AP3B1: variants seen among roughly 807,000 people sequenced by gnomAD.
AP3B1 encodes the protein AP-3 complex subunit beta-1.
AP3B1 carries 61 observed loss-of-function variants against 132.5 expected under a neutral mutation model. The ratio of observed to expected loss-of-function variants is 0.46; its 90% CI spans 0.37 to 0.57. The LOEUF (loss-of-function observed/expected upper bound fraction) is 0.57. Ranked by LOEUF, AP3B1 falls within the 20% of genes least tolerant of loss-of-function variation. The pLI, the probability that AP3B1 is intolerant of heterozygous loss-of-function variation, is 0.00. For synonymous variants in AP3B1, 388 were observed against 438.3 expected (o/e 0.89, Z 1.43); for missense variants, 1,120 against 1,289.4 (o/e 0.87, Z 2.01).
intron 24 of AP3B1, among the ~76,000 whole-genome samples, chr5:78,024,274 A>G (rs1747233915): frequency 6.6e-6 from 1 of 152,226 alleles, no homozygotes; most frequent in Admixed American, 6.5e-5. Flanking sequence ...TGAAATTTAA[A>G]ATTTCAGCTT....
chr5:78,041,558 C>CA (rs566497086), intron 22 of AP3B1, among the ~76,000 whole-genome samples: 38 of 141,858 alleles, frequency 2.7e-4, no homozygotes, highest in East Asian at 1.0e-3. Context: ...GACCCTGTCT[C>CA]AAAAAAAAAA....
chr5:78,252,081 C>T (rs924945873), intron 2 of AP3B1, among the ~76,000 whole-genome samples: 26 of 152,168 alleles, frequency 1.7e-4, no homozygotes, highest in Non-Finnish European at 3.4e-4. Flanking sequence ...GACACACCCT[C>T]GTCCAGAAGG....
chr5:78,006,514 A>T (rs1746402845), intron 26 of AP3B1, among the ~76,000 whole-genome samples: 1 of 152,202 alleles, frequency 6.6e-6, no homozygotes, highest in African/African-American at 2.4e-5. Context: ...GCCTTTAAAG[A>T]TTTAAAACAT....
chr5:78,095,985 A>AT (rs1376544856), intron 21 of AP3B1, among the ~76,000 whole-genome samples: 4 of 152,270 alleles, frequency 2.6e-5, no homozygotes, highest in Admixed American at 6.5e-5. Context: ...TAAAAACTTG[A>AT]TTTTTTTAAA....
At chr5:78,195,401 A>G (rs1745041170) in intron 7 of AP3B1, among the ~76,000 whole-genome samples, 1 of 152,220 alleles carries the variant, frequency 6.6e-6, no homozygotes, top group Non-Finnish European at 1.5e-5. Flanking sequence ...AGAGAAAAAC[A>G]TCAGTGGAAC....
At chr5:78,056,560 T>C (rs1458501156) in intron 22 of AP3B1, among the ~76,000 whole-genome samples, 1 of 152,244 alleles carries the variant, frequency 6.6e-6, no homozygotes, top group Non-Finnish European at 1.5e-5. Context: ...CTGTATTTAT[T>C]GATAGTACCA....
chr5:78,100,872 G>T, intron 21 of AP3B1, 81 bp downstream of exon 21: 1 of 790,448 alleles, frequency 1.3e-6, no homozygotes, highest in South Asian at 1.7e-5. Flanking sequence ...TATATTTTGG[G>T]ACATGTAAAT....
rs543542816 is a variant in AP3B1 at position 78,262,487 on chromosome 5, G to C, written c.204+5033C>G. ...CCCAACATTATTTGTTGAAAAGACTGTCCTTTCCCAATTGATTGATCTGGC... is the reference window on the plus strand; with the variant it reads ...CCCAACATTATTTGTTGAAAAGACTCTCCTTTCCCAATTGATTGATCTGGC... On this transcript the variant is annotated intron_variant, in intron 2 of 26. Coordinates refer to ENST00000255194, the MANE Select transcript of AP3B1 (RefSeq NM_003664.5). Among the ~76,000 whole-genome samples the C allele has an allele frequency of 2.3e-4, 35 of 152,196 alleles. 1 individual carries two copies. In the South Asian group the frequency reaches 7.3e-3, roughly 32 times the overall value.
At chr5:78,200,809 T>C (rs957193846) in intron 7 of AP3B1, among the ~76,000 whole-genome samples, 3 of 152,194 alleles carry the variant, frequency 2.0e-5, no homozygotes, top group African/African-American at 7.2e-5. Flanking sequence ...AATCTCCATA[T>C]GTCACTGTAA....
intron 24 of AP3B1, among the ~76,000 whole-genome samples, chr5:78,026,280 T>TA (rs1307359137): frequency 6.6e-6 from 1 of 152,216 alleles, no homozygotes; most frequent in Non-Finnish European, 1.5e-5. Flanking sequence ...CCAGATGGCA[T>TA]AAAAGTTTAA....
chr5:78,245,399 T>C (rs1388029824), intron 2 of AP3B1, among the ~76,000 whole-genome samples: 4 of 152,210 alleles, frequency 2.6e-5, no homozygotes, highest in Non-Finnish European at 5.9e-5. Context: ...CAAAGGAGTG[T>C]CTTTCTCCTT....
chr5:78,175,895 T>C, intron 9 of AP3B1, 57 bp from the exon 10 acceptor site: 1 of 1,244,590 alleles, frequency 8.0e-7, no homozygotes, highest in Non-Finnish European at 1.2e-6. Context: ...CATCTTTGAG[T>C]AAGCACTACA....
Position 78,156,341 on chromosome 5 carries a change from C to G in AP3B1, c.1390G>C (p.Val464Leu). Residue 464 changes from valine to leucine, a missense_variant, in exon 14 of 27, where the codon GTT (valine) becomes CTT (leucine). Coordinates refer to ENST00000255194, the MANE Select transcript of AP3B1 (RefSeq NM_003664.5). Reference sequence around the variant, plus strand: ...TGCATTTGCAGTAATTTCTTTATAACAACCACACTTTCAGCAACAACTATT... The same window carrying G: ...TGCATTTGCAGTAATTTCTTTATAAGAACCACACTTTCAGCAACAACTATT... The part of the protein sequence containing the change: ...DEIVVAESVV[V>L]IKKLLQMQPA... 4.3e-6 allele frequency: 7 copies of G among 1,613,102 alleles called. No individual in the cohort carries two copies. The highest frequency in any genetic ancestry group is 5.9e-6 in the Non-Finnish European group (7 of 1,179,374).
intron 21 of AP3B1, among the ~76,000 whole-genome samples, chr5:78,090,314 T>G (rs1750457801): frequency 6.6e-6 from 1 of 152,250 alleles, no homozygotes; most frequent in Non-Finnish European, 1.5e-5. Flanking sequence ...TTGCATAATT[T>G]AAGTAATTAC....
chr5:78,122,756 A>C (rs1450295812), intron 17 of AP3B1, among the ~76,000 whole-genome samples: 1 of 152,196 alleles, frequency 6.6e-6, no homozygotes, highest in Non-Finnish European at 1.5e-5. Flanking sequence ...AATACCGTGA[A>C]AATGGCCATA....
At chr5:78,161,381 A>C (rs1012952109) in intron 13 of AP3B1, among the ~76,000 whole-genome samples, 1 of 152,024 alleles carries the variant, frequency 6.6e-6, no homozygotes, top group African/African-American at 2.4e-5. Context: ...TATGTAACTA[A>C]AATGTAAAAG....
intron 2 of AP3B1, among the ~76,000 whole-genome samples, chr5:78,256,113 G>C (rs905649727): frequency 2.0e-5 from 3 of 151,710 alleles, no homozygotes; most frequent in East Asian, 3.9e-4. Context: ...GCATCTTAAG[G>C]AACTAGAAAA....
chr5:78,072,545 G>A (rs1197049020), intron 22 of AP3B1, among the ~76,000 whole-genome samples: 1 of 151,910 alleles, frequency 6.6e-6, no homozygotes, highest in Non-Finnish European at 1.5e-5. Flanking sequence ...TATTTGTACA[G>A]AGGTGTAAAG....
At position 78,168,224 on chromosome 5, in the gene AP3B1, TTC is replaced by T. The variant is rs1416970388; in HGVS notation, c.1168-2554_1168-2553del. Among the ~76,000 whole-genome samples the T allele has an allele frequency of 5.6e-3, 797 of 142,514 alleles. 7 individuals are homozygous for T. The highest frequency in any genetic ancestry group is 0.022 in the African/African-American group (762 of 34,284). 93.5% of individuals were successfully genotyped at this position (142,514 alleles called of 152,430 possible). On this transcript the variant is annotated intron_variant, in intron 11 of 26. Transcript: ENST00000255194. Reference sequence around the variant, plus strand: ...AACTTTTAGACAACTTTTTTCTTTTTTCTTTTTTTTTTTTTTTGAGACAAGGT... The same window carrying T: ...AACTTTTAGACAACTTTTTTCTTTTTTTTTTTTTTTTTTTTGAGACAAGGT...
Sources: gnomAD v4.1 joint callset for allele counts (sites outside exome capture counted in the v4.1 genomes callset) on GRCh38, gnomAD v4.1.1 for gene constraint, MANE v1.5 for transcripts, NCBI Gene and HGNC (gene_info 2026-07-23, HGNC 2026-07-21) for gene names.